The following PHKA1 variants were observed in gnomAD, a reference collection of about 807,000 sequenced individuals.
The protein encoded by PHKA1 is phosphorylase b kinase regulatory subunit alpha, skeletal muscle isoform.
In PHKA1, 60 loss-of-function variants were observed where a neutral mutation model predicts 110.2. The observed-to-expected ratio is 0.54, with a 90% confidence interval of 0.44 to 0.68. PHKA1 has a LOEUF of 0.68. Ranked by LOEUF, PHKA1 falls within the 30% of genes least tolerant of loss-of-function variation. The probability of loss-of-function intolerance (pLI) is 0.00; values close to 1 mark genes in which losing one functional copy is unlikely to be tolerated. For synonymous variants in PHKA1, 316 were observed against 333.6 expected (o/e 0.95, Z 0.58); for missense variants, 801 against 942.5 (o/e 0.85, Z 1.97).
rs1556245977 is a variant in PHKA1 at position 72,603,155 on chromosome X, T to G, written c.2881A>C (p.Ile961Leu). 8.3e-7 allele frequency: 1 copy of G among 1,206,116 alleles called. No individual in the cohort carries two copies. Among genetic ancestry groups the G allele is most frequent in the African/African-American group, 1.7e-5 (1 of 57,236 alleles). The change falls in exon 26 of 32, where the codon ATT (isoleucine) becomes CTT (leucine). Residue 961 changes from isoleucine (I) to leucine (L), a missense_variant. Coordinates refer to ENST00000373542, the MANE Select transcript of PHKA1 (RefSeq NM_002637.4). The stretch of plus-strand genomic sequence containing the variant: ...ACTCCAAACTCCTTGCCGCTGAGAA[T>G]GTGATGCAGGAGATTCTTCATGGCC... ...PSAMKNLLHH[I>L]LSGKEFGVER...
In PHKA1 at chrX:72,667,384, C is replaced by T; in HGVS notation, c.708G>A (p.Gln236=). 1 of 1,198,558 alleles carries T rather than the reference C, an allele frequency of 8.3e-7. No individual in the cohort carries two copies. The highest frequency in any genetic ancestry group is 1.1e-6 in the Non-Finnish European group (1 of 883,578). ...SVIHVLADEV[Q]HCQSILNSLL... ...TTCCATAATATTTTACCTGGCAGTG[C>T]TGTACTTCATCAGCCAGGACATGGA... is the stretch of plus-strand genomic sequence containing the variant. The change falls in exon 7 of 32, where the codon CAG becomes CAA. Residue 236 remains glutamine, a synonymous_variant. Transcript: ENST00000373542.
intron 4 of PHKA1, among the ~76,000 whole-genome samples, chrX:72,684,960 A>C (rs1452963495): frequency 8.9e-6 from 1 of 111,961 alleles, no homozygotes; most frequent in Non-Finnish European, 1.9e-5. Flanking sequence ...AGCAAGAAAT[A>C]GATAAAATTA....
chrX:72,701,234 T>C (rs2054200931), intron 3 of PHKA1, among the ~76,000 whole-genome samples: 1 of 112,019 alleles, frequency 8.9e-6, no homozygotes, highest in Non-Finnish European at 1.9e-5. Context: ...ATAAAGCCCT[T>C]GGAAAAACTG....
At chrX:72,669,647 T>G (rs1442099288) in intron 6 of PHKA1, among the ~76,000 whole-genome samples, 1 of 105,932 alleles carries the variant, frequency 9.4e-6, no homozygotes, top group African/African-American at 3.5e-5. Context: ...TTTTTGTCTC[T>G]GTGATAGTTT....
intron 3 of PHKA1, among the ~76,000 whole-genome samples, chrX:72,700,519 A>C (rs2054192245): frequency 1.8e-5 from 2 of 112,040 alleles, no homozygotes; most frequent in Non-Finnish European, 1.9e-5. Flanking sequence ...GTGTTCCAAA[A>C]TTATGAGAAA....
chrX:72,620,640 T>C, intron 19 of PHKA1, 85 bp downstream of exon 19: 5 of 817,364 alleles, frequency 6.1e-6, no homozygotes, highest in Non-Finnish European at 9.1e-6. Context: ...CTAAAGTTCC[T>C]GCTTACATTG....
intron 13 of PHKA1, among the ~76,000 whole-genome samples, chrX:72,647,605 G>T (rs781808948): frequency 1.2e-3 from 135 of 111,462 alleles, no homozygotes; most frequent in African/African-American, 4.3e-3. Context: ...ATGGGCAAAT[G>T]AAGAAAAGCT....
At chrX:72,657,426 G>A (rs189664142) in intron 9 of PHKA1, among the ~76,000 whole-genome samples, 162 bp downstream of exon 9, 1 of 111,944 alleles carries the variant, frequency 8.9e-6, no homozygotes, top group Non-Finnish European at 1.9e-5. Flanking sequence ...TGAGAACTTG[G>A]CAGCTAAGCC....
At chrX:72,689,810 C>A (rs145099609) in intron 4 of PHKA1, among the ~76,000 whole-genome samples, 1 of 111,444 alleles carries the variant, frequency 9.0e-6, no homozygotes, top group African/African-American at 3.3e-5. Context: ...CCAAGGCAGC[C>A]GCACCATTTT....
intron 4 of PHKA1, among the ~76,000 whole-genome samples, 167 bp from the exon 5 acceptor site, chrX:72,684,747 G>C (rs2053949569): frequency 9.0e-6 from 1 of 111,372 alleles, no homozygotes; most frequent in African/African-American, 3.3e-5. Flanking sequence ...CCACAAACAA[G>C]TCCTAGGCTA....
At chrX:72,655,172 C>T (rs1484977971) in intron 10 of PHKA1, among the ~76,000 whole-genome samples, 2 of 112,143 alleles carry the variant, frequency 1.8e-5, no homozygotes, top group African/African-American at 6.5e-5. Flanking sequence ...CTTTGAGAGG[C>T]TGAGGCAGGA....
intron 29 of PHKA1, among the ~76,000 whole-genome samples, chrX:72,591,561 TA>T (rs782378353): frequency 9.4e-6 from 1 of 106,839 alleles, no homozygotes; most frequent in Admixed American, 1.0e-4. Flanking sequence ...AAAGTATAAT[TA>T]AAAAAAAAGA....
At chrX:72,662,633 T>C (rs1405825607) in intron 8 of PHKA1, among the ~76,000 whole-genome samples, 1 of 111,617 alleles carries the variant, frequency 9.0e-6, no homozygotes, top group African/African-American at 3.3e-5. Flanking sequence ...GCCTATGACC[T>C]TGGCTAGAAA....
intron 30 of PHKA1, among the ~76,000 whole-genome samples, chrX:72,583,099 G>A (rs1304826491): frequency 8.9e-6 from 1 of 111,830 alleles, no homozygotes; most frequent in Admixed American, 9.5e-5. Flanking sequence ...ATTAAAAAGG[G>A]CATTAAGAAA....
At chrX:72,614,266 T>C (rs1165171264) in intron 21 of PHKA1, among the ~76,000 whole-genome samples, 1 of 109,495 alleles carries the variant, frequency 9.1e-6, no homozygotes, top group Non-Finnish European at 1.9e-5. Context: ...TGATTGAGTA[T>C]AGATGATGAC....
chrX:72,636,467 C>T (rs2053231559), intron 14 of PHKA1, 81 bp from the exon 15 acceptor site: 11 of 534,945 alleles, frequency 2.1e-5, no homozygotes, highest in East Asian at 3.6e-5. Flanking sequence ...TATATATATA[C>T]ACACACATAC....
intron 18 of PHKA1, chrX:72,621,853 T>C: frequency 1.3e-6 from 1 of 752,864 alleles, no homozygotes; most frequent in Non-Finnish European, 1.6e-6. Context: ...AATACATTCA[T>C]TTTGAGAACA....
chrX:72,615,918 G>A (rs1198586122), intron 21 of PHKA1, among the ~76,000 whole-genome samples: 1 of 112,030 alleles, frequency 8.9e-6, no homozygotes, highest in African/African-American at 3.2e-5. Flanking sequence ...GTAGCTTAAT[G>A]AATAAAAAAA....
chrX:72,591,785 A>C (rs1556225784), intron 29 of PHKA1, among the ~76,000 whole-genome samples: 1 of 112,209 alleles, frequency 8.9e-6, no homozygotes, highest in African/African-American at 3.2e-5. Flanking sequence ...TGTACACTGC[A>C]TGTTGTATAT....
Sources: gnomAD v4.1 joint callset for allele counts (sites outside exome capture counted in the v4.1 genomes callset) on GRCh38, gnomAD v4.1.1 for gene constraint, MANE v1.5 for transcripts, NCBI Gene and HGNC (gene_info 2026-07-23, HGNC 2026-07-21) for gene names.